ABCA4: variants seen among roughly 807,000 people sequenced by gnomAD.
ABCA4 encodes retinal-specific phospholipid-transporting ATPase ABCA4.
A neutral mutation model predicts 263.7 loss-of-function variants in ABCA4; 196 were observed. That is an observed-to-expected ratio of 0.74 (90% CI 0.66 to 0.84). The LOEUF is 0.84. Among genes scored for constraint, ABCA4 ranks in the 40% least tolerant of loss-of-function variants. The pLI is 0.00. For synonymous variants in ABCA4, 1,133 were observed against 1,094.2 expected (o/e 1.04, Z -0.70); for missense variants, 2,792 against 2,855.1 (o/e 0.98, Z 0.50).
chr1:94,026,911 T>C lies in ABCA4; in HGVS notation c.4540-1863A>G, dbSNP rs147766609. The stretch of plus-strand genomic sequence containing the variant: ...TAGGGTGAGCAGATGTGAATAAGAG[T>C]GTGGGTTTGTGAGTGTGTGTGTGTG... On this transcript the variant is annotated intron_variant, in intron 30 of 49. Transcript: ENST00000370225. Among the ~76,000 whole-genome samples, 168 of 150,958 alleles carry C rather than the reference T, an allele frequency of 1.1e-3. 1 individual carries two copies. Among genetic ancestry groups the C allele is most frequent in the African/African-American group, 3.8e-3 (155 of 41,022 alleles).
chr1:94,080,826 A>G (rs1344139367), intron 7 of ABCA4, 108 bp from the exon 8 acceptor site: 10 of 1,494,292 alleles, frequency 6.7e-6, no homozygotes, highest in Non-Finnish European at 8.3e-6. Flanking sequence ...AAAAGAAAAC[A>G]TCCATATATT....
At chr1:94,020,239 A>G (rs1194155851) in intron 35 of ABCA4, among the ~76,000 whole-genome samples, 2 of 152,346 alleles carry the variant, frequency 1.3e-5, no homozygotes, top group Middle Eastern at 3.4e-3. Flanking sequence ...TTTAAGTGAA[A>G]AGAGGGCAGG....
intron 6 of ABCA4, among the ~76,000 whole-genome samples, chr1:94,088,756 C>T (rs1414721478): frequency 6.6e-6 from 1 of 152,160 alleles, no homozygotes; most frequent in Non-Finnish European, 1.5e-5. Context: ...TAGGAGGAAG[C>T]TGGCATCAAA....
intron 3 of ABCA4, among the ~76,000 whole-genome samples, chr1:94,110,337 A>G (rs1194999139): frequency 2.0e-5 from 3 of 152,204 alleles, no homozygotes; most frequent in Non-Finnish European, 4.4e-5. Context: ...GTTTGTTCAC[A>G]GTGGGGAAGG....
At chr1:94,085,254 A>G (rs1389534020) in intron 6 of ABCA4, among the ~76,000 whole-genome samples, 1 of 152,204 alleles carries the variant, frequency 6.6e-6, no homozygotes, top group Non-Finnish European at 1.5e-5. Context: ...AAAAAGGTGG[A>G]GAACAGTTAA....
chr1:94,090,914 T>G (rs1285153898), intron 6 of ABCA4, among the ~76,000 whole-genome samples: 1 of 152,142 alleles, frequency 6.6e-6, no homozygotes, highest in Non-Finnish European at 1.5e-5. Context: ...GAGGGAGCAG[T>G]CAGTTTCACC....
rs867836954 is a variant in ABCA4 at position 94,117,569 on chromosome 1, A to G, written c.66+3411T>C. 2.6e-5 allele frequency among the ~76,000 whole-genome samples: 4 copies of G among 152,092 alleles called. No individual in the cohort carries two copies. The South Asian group carries it at 8.3e-4, about 32-fold the overall frequency. On this transcript the variant is annotated intron_variant, in intron 1 of 49. Coordinates refer to ENST00000370225, the MANE Select transcript of ABCA4 (RefSeq NM_000350.3). ...GATCTTCATAAACCCTCCCTGACAC[A>G]GCGCCAGGTCCACAGCCAACACGGG... is the stretch of plus-strand genomic sequence containing the variant.
At chr1:94,008,552 C>T (rs565773026) in intron 41 of ABCA4, among the ~76,000 whole-genome samples, 199 bp downstream of exon 41, 18 of 152,150 alleles carry the variant, frequency 1.2e-4, no homozygotes, top group African/African-American at 3.9e-4. Context: ...TGTCAGTGCC[C>T]GAGATGAATA....
intron 1 of ABCA4, among the ~76,000 whole-genome samples, chr1:94,114,257 A>C (rs1662687236): frequency 6.6e-6 from 1 of 152,242 alleles, no homozygotes; most frequent in Non-Finnish European, 1.5e-5. Flanking sequence ...TTTTTAAAAA[A>C]CAGCCTACTG....
At chr1:94,098,029 T>C (rs1464586040) in intron 6 of ABCA4, among the ~76,000 whole-genome samples, 1 of 152,210 alleles carries the variant, frequency 6.6e-6, no homozygotes, top group African/African-American at 2.4e-5. Flanking sequence ...AGTGCTGGGA[T>C]TACAGGCGTG....
chr1:94,021,879 T>C lies in ABCA4; in HGVS notation c.4740A>G (p.Leu1580=), dbSNP rs918881078. Reference sequence around the variant, plus strand: ...CATTCATGATCCGGCCAAGGTCGCTTAAAAACCCAACAAGTGCTTCCCCCG... The same window carrying C: ...CATTCATGATCCGGCCAAGGTCGCTCAAAAACCCAACAAGTGCTTCCCCCG... ...PITGEALVGF[L]SDLGRIMNVS... is the part of the protein sequence containing the mutation. Residue 1580 remains leucine, a synonymous_variant, in exon 33 of 50, where the codon TTA becomes TTG. Coordinates refer to ENST00000370225, the MANE Select transcript of ABCA4 (RefSeq NM_000350.3). The C allele has an allele frequency of 1.9e-6, 3 of 1,614,052 alleles. No individual in the cohort carries two copies. The African/African-American group carries it at 4.0e-5, about 22-fold the overall frequency.
At chr1:94,001,140 G>A (rs1426979351) in intron 45 of ABCA4, 35 bp from the exon 46 acceptor site, 1 of 1,554,570 alleles carries the variant, frequency 6.4e-7, no homozygotes, top group South Asian at 1.1e-5. Flanking sequence ...GGCACAGGCT[G>A]GGAGCTGGCC....
intron 45 of ABCA4, 177 bp downstream of exon 45, chr1:94,001,681 C>G (rs759254984): frequency 1.5e-5 from 14 of 926,986 alleles, no homozygotes; most frequent in Non-Finnish European, 2.2e-5. Flanking sequence ...TGTTTTTCTC[C>G]GGAGCTGTGT....
chr1:94,105,053 G>T (rs1052133251), intron 4 of ABCA4, among the ~76,000 whole-genome samples: 4 of 152,174 alleles, frequency 2.6e-5, no homozygotes, highest in Non-Finnish European at 5.9e-5. Flanking sequence ...GAGATCTCTT[G>T]AGAGTTGGGG....
In ABCA4 at chr1:94,029,431, T is replaced by G. The variant is rs760050046; in HGVS notation, c.4539+14A>C. 55 of 1,543,416 alleles carry G rather than the reference T, an allele frequency of 3.6e-5. No individual in the cohort carries two copies. In the African/African-American group the frequency reaches 5.9e-4, roughly 17 times the overall value. On this transcript the variant is annotated intron_variant, in intron 30 of 49. Transcript: ENST00000370225. ...CAGGCAGACCTGGGGCCCCGTTGTT[T>G]GGAGGTCAGGTACCTGGGGGGGCGG...
At chr1:94,071,200 C>T (rs975846551) in intron 11 of ABCA4, among the ~76,000 whole-genome samples, 5 of 152,180 alleles carry the variant, frequency 3.3e-5, no homozygotes, top group African/African-American at 1.2e-4. Context: ...ATGCTTATCT[C>T]TCCAATGTGA....
At chr1:94,105,274 C>G (rs921636679) in intron 4 of ABCA4, among the ~76,000 whole-genome samples, 1 of 152,190 alleles carries the variant, frequency 6.6e-6, no homozygotes, top group African/African-American at 2.4e-5. Flanking sequence ...GACTGTTTAT[C>G]TCTTCGTTAT....
intron 11 of ABCA4, among the ~76,000 whole-genome samples, chr1:94,077,244 A>G (rs1157393820): frequency 1.3e-5 from 2 of 152,174 alleles, no homozygotes; most frequent in Non-Finnish European, 2.9e-5. Flanking sequence ...AATATAGGAG[A>G]AGGATATGTT....
chr1:94,112,136 C>T (rs972569761), intron 2 of ABCA4, among the ~76,000 whole-genome samples: 1 of 152,174 alleles, frequency 6.6e-6, no homozygotes, highest in African/African-American at 2.4e-5. Context: ...CTTGAGGCTT[C>T]CACATTCACC....
Sources: gnomAD v4.1 joint callset for allele counts (sites outside exome capture counted in the v4.1 genomes callset) on GRCh38, gnomAD v4.1.1 for gene constraint, MANE v1.5 for transcripts, NCBI Gene and HGNC (gene_info 2026-07-23, HGNC 2026-07-21) for gene names.